DSCAML1: variants seen among roughly 807,000 people sequenced by gnomAD.
DSCAML1 encodes cell adhesion molecule DSCAML1.
A neutral mutation model predicts 200.5 loss-of-function variants in DSCAML1; 38 were observed. The ratio of observed to expected loss-of-function variants is 0.19; its 90% CI spans 0.15 to 0.25. The LOEUF (loss-of-function observed/expected upper bound fraction) is 0.25, where lower values mean the gene tolerates loss of function less well. Ranked by LOEUF, DSCAML1 falls within the 10% of genes least tolerant of loss-of-function variation. The pLI, the probability that DSCAML1 is intolerant of heterozygous loss-of-function variation, is 1.00. For synonymous variants in DSCAML1, 1,215 were observed against 1,165.0 expected (o/e 1.04, Z -0.87); for missense variants, 2,223 against 2,858.8 (o/e 0.78, Z 5.07).
In DSCAML1 at chr11:117,464,973, G is replaced by A. The variant is rs753419027; in HGVS notation, c.3234C>T (p.Ser1078=). 6.2e-7 allele frequency: 1 copy of A among 1,613,980 alleles called. No individual in the cohort carries two copies. Residue 1078 remains serine, a synonymous_variant, in exon 17 of 33, where the codon TCC becomes TCT. Coordinates refer to ENST00000651296, the MANE Select transcript of DSCAML1 (RefSeq NM_020693.4). ...AFNRAGTGPS[S]SEINATTLED... is the part of the protein sequence containing the mutation. ...CCAGAGTGGTGGCATTGATCTCGCT[G>A]GAAGAGGGCCCCGTGCCAGCCCGAT...
intron 1 of DSCAML1, among the ~76,000 whole-genome samples, chr11:117,805,460 AG>A (rs2055700701): frequency 6.6e-6 from 1 of 152,252 alleles, no homozygotes; most frequent in African/African-American, 2.4e-5. Context: ...GTAATAGGTA[AG>A]GTGCAAAAAC....
intron 3 of DSCAML1, among the ~76,000 whole-genome samples, chr11:117,555,087 T>C (rs1335076576): frequency 6.6e-6 from 1 of 152,214 alleles, no homozygotes; most frequent in Admixed American, 6.5e-5. Context: ...CTGCTTCCTT[T>C]TTTTGGCCAG....
At chr11:117,560,806 C>T (rs891855078) in intron 3 of DSCAML1, among the ~76,000 whole-genome samples, 2 of 152,228 alleles carry the variant, frequency 1.3e-5, no homozygotes, top group East Asian at 3.8e-4. Flanking sequence ...CCTTCTCCCC[C>T]ACTGCCCATT....
chr11:117,480,344 C>T lies in DSCAML1; in HGVS notation c.2785+99G>A. On this transcript the variant is annotated intron_variant, in intron 14 of 32. Transcript: ENST00000651296. This position sits in a 1 kb window ranked among gnomAD's most constrained non-coding sequence, Gnocchi z 4.1. ...GTGTGTCTAGCTTGGATGGGCAGCC[C>T]TAAGGCTCAGGGGCTCTCCTCCCAG... 6.5e-7 allele frequency: 1 copy of T among 1,537,224 alleles called. No homozygotes were observed. The highest frequency in any genetic ancestry group is 8.8e-7 in the Non-Finnish European group (1 of 1,136,806).
intron 3 of DSCAML1, among the ~76,000 whole-genome samples, chr11:117,533,597 C>T (rs56198555): frequency 0.092 from 14,027 of 152,182 alleles, 817 homozygotes; most frequent in South Asian, 0.21. Flanking sequence ...ATGTCTCCTG[C>T]CACTGCCACA....
intron 3 of DSCAML1, among the ~76,000 whole-genome samples, chr11:117,628,783 T>A (rs1236601171): frequency 6.6e-6 from 1 of 152,182 alleles, no homozygotes; most frequent in African/African-American, 2.4e-5. Context: ...GAACCATCTA[T>A]CCAGAAGCAG....
At chr11:117,562,452 C>T (rs143532308) in intron 3 of DSCAML1, among the ~76,000 whole-genome samples, 2 of 152,194 alleles carry the variant, frequency 1.3e-5, no homozygotes, top group East Asian at 3.8e-4. Flanking sequence ...CTTCCAGCTC[C>T]CACAGCATGT....
rs544304237 is a variant in DSCAML1 at position 117,474,766 on chromosome 11, T to C, written c.2786-2730A>G. 3.3e-5 allele frequency among the ~76,000 whole-genome samples: 5 copies of C among 151,726 alleles called. No individual in the cohort carries two copies. In the East Asian group the frequency reaches 9.7e-4, roughly 29 times the overall value. On this transcript the variant is annotated intron_variant, in intron 14 of 32. Transcript: ENST00000651296. ...TGTCATTCCTTTTTTCCTTTTTTTT[T>C]TTTTTTGAGATGGAGTCTCGCTCTG...
intron 5 of DSCAML1, among the ~76,000 whole-genome samples, chr11:117,521,990 T>C (rs916489086): frequency 1.3e-5 from 2 of 152,188 alleles, no homozygotes; most frequent in African/African-American, 4.8e-5. Context: ...AGAACTTCCA[T>C]GACTCCAATT....
chr11:117,582,035 C>A (rs529517715), intron 3 of DSCAML1, among the ~76,000 whole-genome samples: 1 of 152,108 alleles, frequency 6.6e-6, no homozygotes, highest in Non-Finnish European at 1.5e-5. Context: ...CCATGATCAT[C>A]GGATGCGCAT....
chr11:117,471,818 TG>T (rs1461184342), intron 15 of DSCAML1, 50 bp downstream of exon 15: 3 of 1,318,166 alleles, frequency 2.3e-6, no homozygotes, highest in Non-Finnish European at 3.1e-6. Flanking sequence ...AGGCCCCTGG[TG>T]GTCCTGATCC....
intron 11 of DSCAML1, among the ~76,000 whole-genome samples, chr11:117,499,269 C>T (rs1417005260): frequency 6.6e-6 from 1 of 152,066 alleles, no homozygotes; most frequent in Non-Finnish European, 1.5e-5. Context: ...GTATTTTCTT[C>T]TGTTAACTAA....
At chr11:117,621,904 T>A (rs1215165040) in intron 3 of DSCAML1, among the ~76,000 whole-genome samples, 1 of 152,212 alleles carries the variant, frequency 6.6e-6, no homozygotes, top group Non-Finnish European at 1.5e-5. Flanking sequence ...AAAGTGGGAT[T>A]GTCAAGAGGT....
chr11:117,691,959 T>C (rs2053502359), intron 3 of DSCAML1, among the ~76,000 whole-genome samples: 1 of 151,174 alleles, frequency 6.6e-6, no homozygotes. Context: ...CTGAAATGAC[T>C]TTTTTTTTAA....
intron 20 of DSCAML1, among the ~76,000 whole-genome samples, chr11:117,445,622 ACTAGGACATATT>A (rs1326406609): frequency 6.6e-6 from 1 of 152,182 alleles, no homozygotes; most frequent in Non-Finnish European, 1.5e-5. Flanking sequence ...TCCTTTGTAA[ACTAGGACATATT>A]CTTCTCCGGG....
At chr11:117,789,769 G>A (rs2055426440) in intron 1 of DSCAML1, among the ~76,000 whole-genome samples, 1 of 152,144 alleles carries the variant, frequency 6.6e-6, no homozygotes, top group Admixed American at 6.5e-5. Flanking sequence ...GGTGACATCA[G>A]GACCAGTGAG....
chr11:117,688,457 C>T (rs1219407406), intron 3 of DSCAML1, among the ~76,000 whole-genome samples: 2 of 152,218 alleles, frequency 1.3e-5, no homozygotes, highest in Non-Finnish European at 2.9e-5. Context: ...TGCTTCTCAC[C>T]TCCTCAGCCC....
chr11:117,711,342 C>G (rs1056755988), intron 3 of DSCAML1, among the ~76,000 whole-genome samples: 1 of 152,186 alleles, frequency 6.6e-6, no homozygotes, highest in Non-Finnish European at 1.5e-5. Flanking sequence ...CCTGCTGCTC[C>G]CGTTTTACAG....
At chr11:117,623,325 T>C (rs1294514692) in intron 3 of DSCAML1, among the ~76,000 whole-genome samples, 8 of 151,572 alleles carry the variant, frequency 5.3e-5, no homozygotes, top group Non-Finnish European at 1.2e-4. Flanking sequence ...CAAGTGATTC[T>C]CCTGTCTCAG....
Sources: allele counts gnomAD v4.1 joint callset (sites outside exome capture counted in the v4.1 genomes callset), GRCh38; gene constraint gnomAD v4.1.1; non-coding constraint Gnocchi (gnomAD v3.1); transcripts MANE v1.5; gene names NCBI Gene and HGNC (gene_info 2026-07-23, HGNC 2026-07-21).